The following ARMH1 variants were observed in gnomAD, a reference collection of about 807,000 sequenced individuals.
ARMH1 encodes armadillo like helical domain containing 1.
Under a neutral mutation model 50.2 loss-of-function variants are expected in ARMH1, and 34 were observed. That is an observed-to-expected ratio of 0.68 (90% CI 0.51 to 0.90). The LOEUF is 0.90. ARMH1 is among the 40% of genes least tolerant of loss of function. The pLI, the probability that ARMH1 is intolerant of heterozygous loss-of-function variation, is 0.00. For synonymous variants in ARMH1, 221 were observed against 224.2 expected (o/e 0.99, Z 0.13); for missense variants, 538 against 553.9 (o/e 0.97, Z 0.29).
intron 6 of ARMH1, among the ~76,000 whole-genome samples, chr1:44,721,155 C>T (rs1647097048): frequency 6.6e-6 from 1 of 151,994 alleles, no homozygotes; most frequent in African/African-American, 2.4e-5. Context: ...AAGACAGTAC[C>T]CTCAAGGTCA....
intron 2 of ARMH1, among the ~76,000 whole-genome samples, chr1:44,690,914 A>G (rs931212971): frequency 6.6e-6 from 1 of 152,066 alleles, no homozygotes; most frequent in Non-Finnish European, 1.5e-5. Flanking sequence ...CCTGACCTCA[A>G]AATGCTGGGA....
chr1:44,682,742 G>T lies in ARMH1; in HGVS notation c.-22-6934G>T, dbSNP rs567220003. Among the ~76,000 whole-genome samples, 1 of 152,132 alleles carries T rather than the reference G, an allele frequency of 6.6e-6. No individual in the cohort carries two copies. Among genetic ancestry groups the T allele is most frequent in the East Asian group, 1.9e-4 (1 of 5,168 alleles). ...GGAGTTTGACACCAGCCTGGGCAAC[G>T]AAGCAAGACCCCACCTCTACAAAAA... On this transcript the variant is annotated intron_variant, in intron 1 of 11. Transcript: ENST00000535358. This position sits in a 1 kb window ranked among gnomAD's most constrained non-coding sequence, Gnocchi z 4.5.
intron 6 of ARMH1, among the ~76,000 whole-genome samples, chr1:44,707,587 G>A (rs907602227): frequency 3.9e-5 from 6 of 152,076 alleles, no homozygotes; most frequent in Non-Finnish European, 5.9e-5. Context: ...AGCTCACCAT[G>A]CCCAGTTAAT....
intron 6 of ARMH1, among the ~76,000 whole-genome samples, chr1:44,706,514 A>G (rs1420085029): frequency 6.6e-6 from 1 of 152,150 alleles, no homozygotes; most frequent in Non-Finnish European, 1.5e-5. Flanking sequence ...CCAGGCACTG[A>G]GGTTCACGTA....
In ARMH1 at chr1:44,704,154, C is replaced by T. The variant is rs1169967187; in HGVS notation, c.705C>T (p.His235=). ...TGCTGAAGGTGCTGGGCACGATGCA[C>T]CTGGAAGTCCAGTATGAAGGTAGGG... The part of the protein sequence containing the change: ...DCVLKVLGTM[H]LEVQYEAIEL... Residue 235 remains histidine, a synonymous_variant, in exon 6 of 12, where the codon CAC becomes CAT. Transcript: ENST00000535358. The T allele has an allele frequency of 6.4e-7, 1 of 1,551,244 alleles. No homozygotes were observed. Among genetic ancestry groups the T allele is most frequent in the Non-Finnish European group, 8.7e-7 (1 of 1,146,786 alleles).
intron 2 of ARMH1, among the ~76,000 whole-genome samples, chr1:44,693,454 T>C (rs1645723816): frequency 6.6e-6 from 1 of 152,202 alleles, no homozygotes; most frequent in Non-Finnish European, 1.5e-5. Flanking sequence ...TTTGTTGTTG[T>C]TGTTGTCTGA....
chr1:44,679,488 A>G (rs1219837724), intron 1 of ARMH1, among the ~76,000 whole-genome samples: 3 of 152,188 alleles, frequency 2.0e-5, no homozygotes, highest in African/African-American at 4.8e-5. Flanking sequence ...GTGACATTTC[A>G]AAAAAAATTT....
chr1:44,693,542 G>T (rs753971613), intron 2 of ARMH1, among the ~76,000 whole-genome samples: 1 of 151,922 alleles, frequency 6.6e-6, no homozygotes, highest in African/African-American at 2.4e-5. Context: ...TCAACCTCCC[G>T]GGCTTAAGCC....
chr1:44,681,475 C>T lies in ARMH1; in HGVS notation c.-23+6602C>T, dbSNP rs906209827. Among the ~76,000 whole-genome samples the T allele has an allele frequency of 2.0e-5, 3 of 151,648 alleles. No individual in the cohort carries two copies. Among genetic ancestry groups the T allele is most frequent in the East Asian group, 1.9e-4 (1 of 5,152 alleles). ...GAGTGACAAGAGTGAGCCCCTATCT[C>T]GAATAAATACACTGATAAATAAATA... On this transcript the variant is annotated intron_variant, in intron 1 of 11. Transcript: ENST00000535358. The surrounding 1 kb of genome is among the most constrained non-coding windows in gnomAD (Gnocchi z 4.3).
intron 1 of ARMH1, among the ~76,000 whole-genome samples, chr1:44,677,426 T>C (rs1304311625): frequency 6.6e-6 from 1 of 152,090 alleles, no homozygotes; most frequent in Non-Finnish European, 1.5e-5. Context: ...AAGTTGAAGA[T>C]TGTGGCAAAA....
chr1:44,679,196 A>G (rs1196765581), intron 1 of ARMH1, among the ~76,000 whole-genome samples: 20 of 152,180 alleles, frequency 1.3e-4, no homozygotes, highest in Non-Finnish European at 2.9e-4. Flanking sequence ...TTTCTCTCTG[A>G]GGTAAAATAA....
chr1:44,690,055 T>G (rs1486988541), intron 2 of ARMH1, among the ~76,000 whole-genome samples, 152 bp downstream of exon 2: 2 of 152,050 alleles, frequency 1.3e-5, no homozygotes, highest in East Asian at 3.9e-4. Flanking sequence ...CTGTCTCTAC[T>G]AAAAATACAA....
At chr1:44,697,516 T>A (rs1177226900) in intron 3 of ARMH1, among the ~76,000 whole-genome samples, 2 of 152,122 alleles carry the variant, frequency 1.3e-5, no homozygotes, top group East Asian at 3.9e-4. Flanking sequence ...GCTCAAACAA[T>A]GTCATCAGTA....
intron 6 of ARMH1, among the ~76,000 whole-genome samples, chr1:44,723,118 T>A (rs935665079): frequency 6.6e-5 from 10 of 151,716 alleles, no homozygotes; most frequent in African/African-American, 2.4e-4. Context: ...TGCCATCATC[T>A]TAGCATCTCC....
Position 44,724,113 on chromosome 1 carries a change from C to T in ARMH1, c.725-9C>T, listed in dbSNP as rs886613671. 7 of 1,550,958 alleles carry T rather than the reference C, an allele frequency of 4.5e-6. No homozygotes were observed. In the African/African-American group the frequency reaches 9.6e-5, roughly 21 times the overall value. ...GGGGCCTCTCTCCAGCACCTCTGCC[C>T]TTCCGCAGCCATCGAGTTGATCAAA... On this transcript the variant is annotated splice_polypyrimidine_tract_variant and intron_variant, in intron 6 of 11. Coordinates refer to ENST00000535358, the MANE Select transcript of ARMH1 (RefSeq NM_001145636.2). The surrounding 1 kb of genome is among the most constrained non-coding windows in gnomAD (Gnocchi z 6.4).
At chr1:44,678,266 G>T (rs1357295736) in intron 1 of ARMH1, among the ~76,000 whole-genome samples, 1 of 152,030 alleles carries the variant, frequency 6.6e-6, no homozygotes, top group African/African-American at 2.4e-5. Context: ...AAGTGAGTCT[G>T]GGGAGAAGAA....
chr1:44,690,933 A>G (rs984719921), intron 2 of ARMH1, among the ~76,000 whole-genome samples: 17 of 151,884 alleles, frequency 1.1e-4, no homozygotes, highest in Non-Finnish European at 2.1e-4. Flanking sequence ...GAGTACAGGC[A>G]TAAGACACCG....
At chr1:44,676,623 T>G (rs58401148) in intron 1 of ARMH1, among the ~76,000 whole-genome samples, 18,938 of 152,076 alleles carry the variant, frequency 0.12, 3,172 homozygotes, top group African/African-American at 0.37. Flanking sequence ...TCAAGTAAAA[T>G]AAGGCCTGAA....
Position 44,698,249 on chromosome 1 carries a change from A to C in ARMH1, c.442+20A>C. On this transcript the variant is annotated intron_variant, in intron 4 of 11. Transcript: ENST00000535358. ...GCTATGGTGGGTACTGTGTGTGACA[A>C]GATGTGTCTCCCTAGGGGCCTGAAT... is the stretch of plus-strand genomic sequence containing the variant. 11 of 1,542,988 alleles carry C rather than the reference A, an allele frequency of 7.1e-6. No homozygotes were observed. The highest frequency in any genetic ancestry group is 9.6e-6 in the Non-Finnish European group (11 of 1,140,736).
Sources: allele counts gnomAD v4.1 joint callset (sites outside exome capture counted in the v4.1 genomes callset), GRCh38; gene constraint gnomAD v4.1.1; non-coding constraint Gnocchi (gnomAD v3.1); transcripts MANE v1.5; gene names NCBI Gene and HGNC (gene_info 2026-07-23, HGNC 2026-07-21).